The following KCNC2 variants were observed in gnomAD, a reference collection of about 807,000 sequenced individuals.
KCNC2 encodes potassium voltage-gated channel subfamily C member 2.
A neutral mutation model predicts 44.5 loss-of-function variants in KCNC2; 21 were observed. That is an observed-to-expected ratio of 0.47 (90% confidence interval 0.33 to 0.68). The LOEUF is 0.68. KCNC2 is among the 30% of genes least tolerant of loss of function. The pLI, the probability that KCNC2 is intolerant of heterozygous loss-of-function variation, is 0.01. For missense variants in KCNC2, 589 were observed against 826.2 expected (o/e 0.71, Z 3.52); for synonymous variants, 391 against 339.1 (o/e 1.15, Z -1.68).
intron 2 of KCNC2, among the ~76,000 whole-genome samples, chr12:75,117,754 A>C (rs1353937521): frequency 6.6e-6 from 1 of 152,170 alleles, no homozygotes; most frequent in Non-Finnish European, 1.5e-5. Context: ...TTTAACATTT[A>C]TAATGGCATG....
intron 2 of KCNC2, among the ~76,000 whole-genome samples, chr12:75,142,904 G>A (rs1889756274): frequency 6.6e-6 from 1 of 152,216 alleles, no homozygotes; most frequent in Admixed American, 6.5e-5. Flanking sequence ...GACACCACCT[G>A]TTGAAGAGAG....
chr12:75,071,924 C>T (rs4882674), intron 2 of KCNC2, among the ~76,000 whole-genome samples: 22,291 of 109,342 alleles, frequency 0.2, 2,280 homozygotes, highest in Admixed American at 0.39. Flanking sequence ...GGCGACAGAG[C>T]GAGACTCCTT....
chr12:75,130,518 T>A (rs1888760355), intron 2 of KCNC2, among the ~76,000 whole-genome samples: 1 of 152,136 alleles, frequency 6.6e-6, no homozygotes. Context: ...TAATAGGAAA[T>A]GTTACGGTTG....
chr12:75,206,021 A>G (rs2031660950), intron 2 of KCNC2, among the ~76,000 whole-genome samples: 1 of 152,188 alleles, frequency 6.6e-6, no homozygotes, highest in Non-Finnish European at 1.5e-5. Flanking sequence ...AATGCTTTAA[A>G]TTGTCTCTTT....
At chr12:75,089,805 T>C (rs572042925) in intron 2 of KCNC2, among the ~76,000 whole-genome samples, 1 of 151,944 alleles carries the variant, frequency 6.6e-6, no homozygotes, top group Non-Finnish European at 1.5e-5. Context: ...TAAAATTCAA[T>C]AAAATTTAGA....
intron 2 of KCNC2, among the ~76,000 whole-genome samples, chr12:75,174,530 T>C (rs902123452): frequency 6.6e-6 from 1 of 151,958 alleles, no homozygotes; most frequent in Non-Finnish European, 1.5e-5. Context: ...AGTCATATTA[T>C]ATAGTCTGAA....
At chr12:75,185,902 C>G (rs971034263) in intron 2 of KCNC2, among the ~76,000 whole-genome samples, 2 of 151,526 alleles carry the variant, frequency 1.3e-5, no homozygotes, top group South Asian at 4.2e-4. Context: ...AAAAATTAGC[C>G]GGTCATGGTG....
chr12:75,176,904 T>C (rs1250336654), intron 2 of KCNC2, among the ~76,000 whole-genome samples: 1 of 151,784 alleles, frequency 6.6e-6, no homozygotes, highest in Non-Finnish European at 1.5e-5. Context: ...TTCAATAGCG[T>C]TCTCAATAAT....
At chr12:75,125,114 A>G (rs946233034) in intron 2 of KCNC2, among the ~76,000 whole-genome samples, 1 of 152,178 alleles carries the variant, frequency 6.6e-6, no homozygotes, top group Non-Finnish European at 1.5e-5. Flanking sequence ...TCAAAAAAAA[A>G]TTAATCAAAG....
At chr12:75,053,970 C>T (rs778222906) in intron 2 of KCNC2, among the ~76,000 whole-genome samples, 16 of 151,594 alleles carry the variant, frequency 1.1e-4, no homozygotes, top group Admixed American at 5.9e-4. Context: ...CGCCTGTAAT[C>T]CCAGCACTTT....
chr12:75,161,207 A>T (rs553170895), intron 2 of KCNC2, among the ~76,000 whole-genome samples: 1 of 151,884 alleles, frequency 6.6e-6, no homozygotes, highest in East Asian at 1.9e-4. Flanking sequence ...AGCAATAATA[A>T]TTATTATATG....
At chr12:75,108,765 TA>T (rs1886989704) in intron 2 of KCNC2, among the ~76,000 whole-genome samples, 1 of 152,192 alleles carries the variant, frequency 6.6e-6, no homozygotes, top group Non-Finnish European at 1.5e-5. Context: ...GTTTCAAGGC[TA>T]AGATAGTTTT....
chr12:75,170,515 A>T (rs1891742458), intron 2 of KCNC2, among the ~76,000 whole-genome samples: 1 of 151,796 alleles, frequency 6.6e-6, no homozygotes, highest in Non-Finnish European at 1.5e-5. Flanking sequence ...TGAATACCTG[A>T]ATGTATTCAC....
chr12:75,148,773 A>G (rs1446266678), intron 2 of KCNC2, among the ~76,000 whole-genome samples: 1 of 151,946 alleles, frequency 6.6e-6, no homozygotes, highest in East Asian at 1.9e-4. Flanking sequence ...TTTTGGCTTC[A>G]CATTACCTAA....
intron 2 of KCNC2, among the ~76,000 whole-genome samples, chr12:75,172,497 A>G (rs935312245): frequency 6.6e-6 from 1 of 151,840 alleles, no homozygotes; most frequent in African/African-American, 2.4e-5. Flanking sequence ...TTGAAGAAAA[A>G]AAAAAAAGTA....
At chr12:75,065,187 A>G (rs546053546) in intron 2 of KCNC2, among the ~76,000 whole-genome samples, 126 of 152,216 alleles carry the variant, frequency 8.3e-4, no homozygotes, top group Non-Finnish European at 1.6e-3. Flanking sequence ...AAATATGATT[A>G]TCAGTCCTTG....
chr12:75,193,510 T>C (rs1486296028), intron 2 of KCNC2, among the ~76,000 whole-genome samples: 4 of 152,068 alleles, frequency 2.6e-5, no homozygotes, highest in Non-Finnish European at 5.9e-5. Context: ...GCCCTTAGAA[T>C]ATAGCTAGCA....
At chr12:75,132,744 T>C (rs2137351901) in intron 2 of KCNC2, among the ~76,000 whole-genome samples, 1 of 152,250 alleles carries the variant, frequency 6.6e-6, no homozygotes, top group South Asian at 2.1e-4. Context: ...TTTTCTTACA[T>C]GATTAATAAT....
At chr12:75,124,970 G>C (rs1294177217) in intron 2 of KCNC2, 1 of 152,184 alleles carries the variant, frequency 6.6e-6, no homozygotes, top group Non-Finnish European at 1.5e-5. Flanking sequence ...GCCGGGCGTT[G>C]TGGCGGGTGC....
Sources: gnomAD v4.1 joint callset for allele counts (sites outside exome capture counted in the v4.1 genomes callset) on GRCh38, gnomAD v4.1.1 for gene constraint, MANE v1.5 for transcripts, NCBI Gene and HGNC (gene_info 2026-07-23, HGNC 2026-07-21) for gene names.